The following PGM1 variants were observed in gnomAD, a reference collection of about 807,000 sequenced individuals.
The protein encoded by PGM1 is phosphoglucomutase-1.
In PGM1, 52 loss-of-function variants were observed where a neutral mutation model predicts 55.6. The observed-to-expected ratio is 0.94, with a 90% CI of 0.75 to 1.18. The LOEUF (loss-of-function observed/expected upper bound fraction) is 1.18. Ranked by LOEUF, PGM1 falls within the 50% of genes most tolerant of loss-of-function variation. The probability of loss-of-function intolerance (pLI) is 0.00; values close to 1 mark genes in which losing one functional copy is unlikely to be tolerated. For synonymous variants in PGM1, 287 were observed against 271.7 expected (o/e 1.06, Z -0.55); for missense variants, 724 against 729.3 (o/e 0.99, Z 0.08).
At position 63,593,738 on chromosome 1, in the gene PGM1, AG is replaced by A; in HGVS notation, c.246+7del. Reference sequence around the variant, plus strand: ...TCGCATCGCTGCCGCCAACGGGGTAAGGGATGCGCGGCCCCGCGCCGCTGTG... The same window carrying A: ...TCGCATCGCTGCCGCCAACGGGGTAAGGATGCGCGGCCCCGCGCCGCTGTG... On this transcript the variant is annotated splice_donor_5th_base_variant and intron_variant, in intron 1 of 10. Transcript: ENST00000371084. 1.9e-6 allele frequency: 3 copies of A among 1,591,212 alleles called. No homozygotes were observed. Among genetic ancestry groups the A allele is most frequent in the Non-Finnish European group, 2.6e-6 (3 of 1,173,582 alleles).
At chr1:63,659,530 T>C (rs1328570581) in intron 10 of PGM1, 56 bp from the exon 11 acceptor site, 9 of 1,411,936 alleles carry the variant, frequency 6.4e-6, no homozygotes, top group African/African-American at 1.4e-5. Flanking sequence ...GGTTTGGAGC[T>C]AAGCATCTGT....
intron 1 of PGM1, among the ~76,000 whole-genome samples, chr1:63,619,691 C>G (rs1648834511): frequency 6.6e-6 from 1 of 152,122 alleles, no homozygotes; most frequent in South Asian, 2.1e-4. Context: ...ATAGACTTGC[C>G]CCAACTATTT....
At chr1:63,646,230 A>G (rs1374295383) in intron 7 of PGM1, among the ~76,000 whole-genome samples, 1 of 152,212 alleles carries the variant, frequency 6.6e-6, no homozygotes, top group African/African-American at 2.4e-5. Context: ...TAAAGAATTC[A>G]ACATAGGATA....
At chr1:63,609,970 G>A (rs762190691) in intron 1 of PGM1, among the ~76,000 whole-genome samples, 5 of 152,190 alleles carry the variant, frequency 3.3e-5, no homozygotes, top group Non-Finnish European at 7.3e-5. Context: ...AGACCACTTG[G>A]TGGCTACCTA....
At chr1:63,637,988 A>G (rs1399536917) in intron 6 of PGM1, among the ~76,000 whole-genome samples, 1 of 138,358 alleles carries the variant, frequency 7.2e-6, no homozygotes, top group Non-Finnish European at 1.5e-5. Context: ...GTAACTTTTC[A>G]TGTTCAAAGG....
chr1:63,616,527 A>G (rs1178176705), intron 1 of PGM1, among the ~76,000 whole-genome samples: 1 of 152,204 alleles, frequency 6.6e-6, no homozygotes, highest in Admixed American at 6.5e-5. Flanking sequence ...TGGCTTATCT[A>G]TCTCTCCTTC....
intron 1 of PGM1, among the ~76,000 whole-genome samples, chr1:63,613,342 A>G (rs1042008017): frequency 2.3e-4 from 34 of 150,226 alleles, no homozygotes; most frequent in African/African-American, 8.4e-4. Context: ...GCTTAAAACA[A>G]TGGATATTTA....
chr1:63,635,078 G>T, intron 5 of PGM1, 59 bp downstream of exon 5: 1 of 1,465,408 alleles, frequency 6.8e-7, no homozygotes, highest in South Asian at 1.1e-5. Flanking sequence ...CCTGCAGATG[G>T]GGAAAAAAGT....
Position 63,659,805 on chromosome 1 carries a change from C to T in PGM1, c.*130C>T, listed in dbSNP as rs2749098. On this transcript the variant is annotated 3_prime_UTR_variant, in exon 11 of 11. Transcript: ENST00000371084. ...TTTGACTTTTTCACTAACCAGTTGA[C>T]GAGCAGTGCATTTACAAGGCACTGC... The T allele has an allele frequency of 4.4e-3, 3,237 of 734,580 alleles. 76 individuals are homozygous for T. In the African/African-American group the frequency reaches 0.05, roughly 11 times the overall value. 45.5% of individuals were successfully genotyped at this position (734,580 alleles called of 1,614,324 possible).
rs914550180 is a variant in PGM1 at position 63,634,738 on chromosome 1, C to T, written c.683-91C>T. 18 of 1,037,380 alleles carry T rather than the reference C, an allele frequency of 1.7e-5. No individual in the cohort carries two copies. In the East Asian group the frequency reaches 4.1e-4, roughly 24 times the overall value. 64.3% of individuals were successfully genotyped at this position (1,037,380 alleles called of 1,614,324 possible). A position where few individuals can be genotyped will look rare whatever the true frequency, so the allele number is the denominator to read the frequency against. On this transcript the variant is annotated intron_variant, in intron 4 of 10. Transcript: ENST00000371084. ...TTGTTTCTCATGCCATTCTTCTCCCCAGAATGCATCCACCTCACCCCTGAA... is the reference window on the plus strand; with the variant it reads ...TTGTTTCTCATGCCATTCTTCTCCCTAGAATGCATCCACCTCACCCCTGAA...
chr1:63,638,902 G>A (rs1280859919), intron 7 of PGM1, 102 bp downstream of exon 7: 6 of 864,074 alleles, frequency 6.9e-6, no homozygotes, highest in East Asian at 4.8e-5. Context: ...GGTAGCCGAT[G>A]TGTCCTAAAT....
chr1:63,642,581 T>C (rs1649545639), intron 7 of PGM1, among the ~76,000 whole-genome samples: 1 of 152,194 alleles, frequency 6.6e-6, no homozygotes, highest in Non-Finnish European at 1.5e-5. Context: ...CTGAATAGTA[T>C]ACAATACCAT....
chr1:63,651,782 T>C lies in PGM1; in HGVS notation c.1394T>C (p.Val465Ala). Reference sequence around the variant, plus strand: ...AAGCAGTTCTCAGCAAATGACAAAGTTTACACTGTGGAGAAGGCCGATAAC... The same window carrying C: ...AAGCAGTTCTCAGCAAATGACAAAGCTTACACTGTGGAGAAGGCCGATAAC... The part of the protein sequence containing the change: ...VGKQFSANDK[V>A]YTVEKADNFE... The change falls in exon 9 of 11, where the codon GTT (valine) becomes GCT (alanine). Residue 465 changes from valine to alanine, a missense_variant. Around this residue, in one of 3 missense-constraint regions of PGM1, gnomAD observed 316 missense variants for 313.1 expected, o/e 1.01. Transcript: ENST00000371084. The C allele has an allele frequency of 6.2e-7, 1 of 1,613,872 alleles. No homozygotes were observed. Among genetic ancestry groups the C allele is most frequent in the East Asian group, 2.2e-5 (1 of 44,860 alleles).
intron 7 of PGM1, among the ~76,000 whole-genome samples, chr1:63,644,446 A>G (rs1474844989): frequency 7.0e-6 from 1 of 142,830 alleles, no homozygotes; most frequent in Admixed American, 6.9e-5. Flanking sequence ...AGAAATAAGG[A>G]AGGAGGAAAA....
In PGM1 at chr1:63,648,478, A is replaced by G. The variant is rs1405329902; in HGVS notation, c.1145-39A>G. On this transcript the variant is annotated intron_variant, in intron 7 of 10. Coordinates refer to ENST00000371084, the MANE Select transcript of PGM1 (RefSeq NM_002633.3). ...AAGTACCTTCTCAGGTACTGGGAGA[A>G]AGCACGTTTCTTACAGCAGCTTGCT... The G allele has an allele frequency of 2.5e-6, 4 of 1,613,364 alleles. No homozygotes were observed. In the African/African-American group the frequency reaches 5.3e-5, roughly 22 times the overall value.
At position 63,657,079 on chromosome 1, in the gene PGM1, A is replaced by G. The variant is rs112674097; in HGVS notation, c.1600-2507A>G. Among the ~76,000 whole-genome samples the G allele has an allele frequency of 2.9e-3, 447 of 152,372 alleles. 1 individual carries two copies. Among genetic ancestry groups the G allele is most frequent in the African/African-American group, 0.01 (423 of 41,586 alleles). On this transcript the variant is annotated intron_variant, in intron 10 of 10. Transcript: ENST00000371084. ...CTATGTATTTGTATATCAAGACATC[A>G]TATTATATACCTTAAACATAAACAA...
At chr1:63,604,419 A>G (rs1476292701) in intron 1 of PGM1, among the ~76,000 whole-genome samples, 2 of 151,918 alleles carry the variant, frequency 1.3e-5, no homozygotes, top group African/African-American at 4.8e-5. Flanking sequence ...GATGGCTTCT[A>G]CTACCACATC....
At chr1:63,638,568 A>C (rs1015816601) in intron 6 of PGM1, 117 bp from the exon 7 acceptor site, 14 of 774,148 alleles carry the variant, frequency 1.8e-5, no homozygotes, top group Non-Finnish European at 2.6e-5. Context: ...ATTATGTATG[A>C]CTCTGAGCAA....
intron 2 of PGM1, 74 bp downstream of exon 2, chr1:63,629,661 G>T: frequency 6.8e-7 from 1 of 1,464,836 alleles, no homozygotes; most frequent in South Asian, 1.1e-5. Flanking sequence ...AGCCTTGGGA[G>T]ACCAGGGTTT....
Sources: gnomAD v4.1 joint callset for allele counts (sites outside exome capture counted in the v4.1 genomes callset) on GRCh38, gnomAD v4.1.1 for gene constraint, gnomAD v4.1.1 regional missense constraint, MANE v1.5 for transcripts, NCBI Gene and HGNC (gene_info 2026-07-23, HGNC 2026-07-21) for gene names.